SLC44A5: variants seen among roughly 807,000 people sequenced by gnomAD.
SLC44A5 encodes choline transporter-like protein 5.
SLC44A5 carries 57 observed loss-of-function variants against 101.8 expected under a neutral mutation model. The observed-to-expected ratio is 0.56, with a 90% CI of 0.45 to 0.70. SLC44A5 has a LOEUF of 0.70. Among genes scored for constraint, SLC44A5 ranks in the 30% least tolerant of loss-of-function variants. The pLI is 0.00. For missense variants in SLC44A5, 737 were observed against 853.1 expected (o/e 0.86, Z 1.70); for synonymous variants, 281 against 290.9 (o/e 0.97, Z 0.35).
intron 1 of SLC44A5, among the ~76,000 whole-genome samples, chr1:75,547,925 T>C (rs72988801): frequency 0.023 from 3,540 of 152,276 alleles, 165 homozygotes; most frequent in African/African-American, 0.081. Flanking sequence ...AAGTCTGCAT[T>C]GACTGAATTA....
the SLC44A5 span, among the ~76,000 whole-genome samples, chr1:75,675,929 C>A: frequency 1.3e-5 from 2 of 152,024 alleles, no homozygotes; most frequent in African/African-American, 4.8e-5. Context: ...ATACATGTGG[C>A]TAACAAACAT....
chr1:75,454,658 AG>A (rs1666089173), intron 2 of SLC44A5, among the ~76,000 whole-genome samples: 1 of 152,114 alleles, frequency 6.6e-6, no homozygotes, highest in Non-Finnish European at 1.5e-5. Flanking sequence ...ATCCCCCAAA[AG>A]GCTCCTAGAC....
At chr1:75,661,583 G>T in the SLC44A5 span, among the ~76,000 whole-genome samples, 2 of 151,636 alleles carry the variant, frequency 1.3e-5, no homozygotes, top group Non-Finnish European at 2.9e-5. Context: ...CCTACAGAAT[G>T]GGAGAAAATG....
chr1:75,681,118 C>A, the SLC44A5 span, among the ~76,000 whole-genome samples: 12 of 151,964 alleles, frequency 7.9e-5, no homozygotes, highest in East Asian at 2.3e-3. Flanking sequence ...TGGAAATAAT[C>A]AATAGCTTAC....
chr1:75,258,232 A>G (rs1418953811), intron 6 of SLC44A5, among the ~76,000 whole-genome samples: 1 of 152,106 alleles, frequency 6.6e-6, no homozygotes, highest in Admixed American at 6.5e-5. Context: ...CCAGGGAACC[A>G]AGTGGTCTGG....
intron 4 of SLC44A5, among the ~76,000 whole-genome samples, chr1:75,304,264 C>T (rs2100882593): frequency 6.6e-6 from 1 of 150,482 alleles, no homozygotes; most frequent in Middle Eastern, 3.4e-3. Flanking sequence ...ACTTGATTCA[C>T]TTTATTGTTT....
chr1:75,277,450 T>C (rs1375859977), intron 5 of SLC44A5, among the ~76,000 whole-genome samples: 3 of 152,170 alleles, frequency 2.0e-5, no homozygotes, highest in South Asian at 4.1e-4. Flanking sequence ...ATAGACAAGG[T>C]ATGAACTCAG....
At chr1:75,401,243 T>G (rs1662457037) in intron 2 of SLC44A5, among the ~76,000 whole-genome samples, 2 of 152,216 alleles carry the variant, frequency 1.3e-5, no homozygotes. Context: ...TATTCACTCA[T>G]TTAACAAACA....
the SLC44A5 span, among the ~76,000 whole-genome samples, chr1:75,650,202 A>G: frequency 6.6e-6 from 1 of 152,200 alleles, no homozygotes; most frequent in Non-Finnish European, 1.5e-5. Flanking sequence ...CTCCTCCCTC[A>G]GCCCTCTTCC....
chr1:75,385,772 C>A lies in SLC44A5; in HGVS notation c.52+10811G>T, dbSNP rs539476597. 4.6e-5 allele frequency among the ~76,000 whole-genome samples: 7 copies of A among 152,186 alleles called. No individual in the cohort carries two copies. The East Asian group carries it at 1.4e-3, about 29-fold the overall frequency. On this transcript the variant is annotated intron_variant, in intron 3 of 23. Coordinates refer to ENST00000370859, the MANE Select transcript of SLC44A5 (RefSeq NM_001130058.2). ...CACCACCAAAAAAGAGAATTTTAGA[C>A]CAATATCCTTGATGAACATTGATGC... is the stretch of plus-strand genomic sequence containing the variant.
the SLC44A5 span, among the ~76,000 whole-genome samples, chr1:75,623,276 T>C: frequency 6.6e-6 from 1 of 152,088 alleles, no homozygotes; most frequent in Non-Finnish European, 1.5e-5. Flanking sequence ...AGATTGAGAG[T>C]GTCAAGGAAG....
Position 75,240,577 on chromosome 1 carries a change from T to C in SLC44A5, c.532+1424A>G, listed in dbSNP as rs542800089. On this transcript the variant is annotated intron_variant, in intron 9 of 23. Transcript: ENST00000370859. ...TTTGCATAAAAATTTATAACATTGA[T>C]TTTGGCTATGGACATTTGTTGCTGA... 6.6e-5 allele frequency among the ~76,000 whole-genome samples: 10 copies of C among 152,176 alleles called. No homozygotes were observed. In the South Asian group the frequency reaches 2.1e-3, roughly 32 times the overall value.
At chr1:75,661,387 TAAAAAAAAAA>T in the SLC44A5 span, among the ~76,000 whole-genome samples, 7 of 53,612 alleles carry the variant, frequency 1.3e-4, no homozygotes, top group Admixed American at 1.2e-3. Context: ...CTACTGCAAG[TAAAAAAAAAA>T]AAAAAAAAAA....
chr1:75,704,830 A>G, the SLC44A5 span, among the ~76,000 whole-genome samples: 1 of 152,266 alleles, frequency 6.6e-6, no homozygotes, highest in Admixed American at 6.5e-5. Flanking sequence ...TACATTACAT[A>G]GTCGGGGATC....
chr1:75,235,810 A>G (rs887808754), intron 11 of SLC44A5, among the ~76,000 whole-genome samples: 2 of 152,066 alleles, frequency 1.3e-5, no homozygotes, highest in Non-Finnish European at 2.9e-5. Flanking sequence ...CCCATATAGA[A>G]GTTAGGAAAA....
chr1:75,354,067 A>G lies in SLC44A5; in HGVS notation c.53-14437T>C, dbSNP rs1335480780. On this transcript the variant is annotated intron_variant, in intron 3 of 23. Coordinates refer to ENST00000370859, the MANE Select transcript of SLC44A5 (RefSeq NM_001130058.2). ...GAATGAAATGTTTTAGAATCCAAATATAAGTTAGCAGAGGGATTTTAGAAC... is the reference window on the plus strand; with the variant it reads ...GAATGAAATGTTTTAGAATCCAAATGTAAGTTAGCAGAGGGATTTTAGAAC... 1.3e-5 allele frequency: 4 copies of G among 300,130 alleles called. No individual in the cohort carries two copies. In the Admixed American group the frequency reaches 1.9e-4, roughly 14 times the overall value. 18.6% of individuals were successfully genotyped at this position (300,130 alleles called of 1,614,324 possible).
chr1:75,433,320 G>A (rs188075287), intron 2 of SLC44A5, among the ~76,000 whole-genome samples: 1 of 152,220 alleles, frequency 6.6e-6, no homozygotes, highest in East Asian at 1.9e-4. Context: ...GTCTCCAGAG[G>A]TGGCCAATAA....
chr1:75,238,721 T>C (rs2100590954), intron 9 of SLC44A5, 85 bp from the exon 10 acceptor site: 2 of 894,564 alleles, frequency 2.2e-6, no homozygotes, highest in East Asian at 6.4e-5. Context: ...TTCTGTTATA[T>C]ATAATCAAAT....
At chr1:75,496,902 C>T (rs1668706381) in intron 2 of SLC44A5, among the ~76,000 whole-genome samples, 1 of 151,968 alleles carries the variant, frequency 6.6e-6, no homozygotes, top group Admixed American at 6.6e-5. Context: ...CACTAATCAT[C>T]AGGGAAATGC....
Sources: gnomAD v4.1 joint callset for allele counts (sites outside exome capture counted in the v4.1 genomes callset) on GRCh38, gnomAD v4.1.1 for gene constraint, MANE v1.5 for transcripts, NCBI Gene and HGNC (gene_info 2026-07-23, HGNC 2026-07-21) for gene names.